The following HAVCR1 variants were observed in gnomAD, a reference collection of about 807,000 sequenced individuals.
HAVCR1 encodes the protein hepatitis A virus cellular receptor 1.
In HAVCR1, 34 loss-of-function variants were observed where a neutral mutation model predicts 32.0. The ratio of observed to expected loss-of-function variants is 1.06; its 90% CI spans 0.81 to 1.42. HAVCR1 has a LOEUF of 1.42. Ranked by LOEUF, HAVCR1 falls within the 40% of genes most tolerant of loss-of-function variation. The pLI is 0.00. For synonymous variants in HAVCR1, 178 were observed against 170.3 expected (o/e 1.05, Z -0.35); for missense variants, 420 against 442.3 (o/e 0.95, Z 0.45).
At chr5:157,064,531 G>A in the HAVCR1 span, among the ~76,000 whole-genome samples, 1 of 152,052 alleles carries the variant, frequency 6.6e-6, no homozygotes, top group Non-Finnish European at 1.5e-5. Context: ...ATTTCGGCCT[G>A]AGCCACGGGA....
At chr5:157,034,737 G>A (rs574809076) in intron 7 of HAVCR1, among the ~76,000 whole-genome samples, 12 of 152,176 alleles carry the variant, frequency 7.9e-5, no homozygotes, top group Admixed American at 2.6e-4. Context: ...GGAGAATGGC[G>A]ATGACTTTTA....
At chr5:157,057,855 C>T in intron 2 of HAVCR1, 43 bp downstream of exon 2, 1 of 1,489,292 alleles carries the variant, frequency 6.7e-7, no homozygotes. Flanking sequence ...CTTCTAACCC[C>T]CCTCTACTCC....
intron 3 of HAVCR1, 23 bp from the exon 4 acceptor site, chr5:157,052,677 G>C (rs1167080394): frequency 1.9e-6 from 3 of 1,603,632 alleles, no homozygotes; most frequent in Non-Finnish European, 2.6e-6. Flanking sequence ...ATCAACATGA[G>C]AGTGAGCATA....
intron 8 of HAVCR1, among the ~76,000 whole-genome samples, chr5:157,030,199 G>T (rs1754090612): frequency 6.6e-6 from 1 of 152,148 alleles, no homozygotes; most frequent in Non-Finnish European, 1.5e-5. Flanking sequence ...TTCAAATGTG[G>T]CTAAGCATTG....
chr5:157,033,550 GATATCTCATCA>G (rs1754302418), intron 7 of HAVCR1, among the ~76,000 whole-genome samples: 1 of 115,994 alleles, frequency 8.6e-6, no homozygotes, highest in Non-Finnish European at 1.6e-5. Flanking sequence ...CAGATATCTC[GATATCTCATCA>G]ATGGCAGGGC....
At position 157,057,600 on chromosome 5, in the gene HAVCR1, T is replaced by C. The variant is rs75112798; in HGVS notation, c.46+298A>G. 5.8e-3 allele frequency among the ~76,000 whole-genome samples: 881 copies of C among 152,240 alleles called. 15 individuals are homozygous for C. The highest frequency in any genetic ancestry group is 0.02 in the African/African-American group (848 of 41,550). The stretch of plus-strand genomic sequence containing the variant: ...TTTCCTATATACATGTGTCTATGCA[T>C]ATACATCTAACCACACCCTTTTTGT... On this transcript the variant is annotated intron_variant, in intron 2 of 8. Transcript: ENST00000523175.
intron 8 of HAVCR1, among the ~76,000 whole-genome samples, chr5:157,031,824 G>A (rs916047822): frequency 2.0e-5 from 3 of 149,178 alleles, no homozygotes; most frequent in African/African-American, 7.6e-5. Flanking sequence ...AAAGTAACTA[G>A]GCAGCAGGGT....
chr5:157,049,004 G>A lies in HAVCR1; in HGVS notation c.781+34C>T, dbSNP rs570822088. 12 of 1,211,272 alleles carry A rather than the reference G, an allele frequency of 9.9e-6. No individual in the cohort carries two copies. The East Asian group carries it at 2.1e-4, about 21-fold the overall frequency. 75.0% of individuals were successfully genotyped at this position (1,211,272 alleles called of 1,614,324 possible). Reference sequence around the variant, plus strand: ...AGTCAATGGTTATCAAGGTTTGAATGATCCCAGGTCTTCAGGAAAGAGAAC... The same window carrying A: ...AGTCAATGGTTATCAAGGTTTGAATAATCCCAGGTCTTCAGGAAAGAGAAC... On this transcript the variant is annotated intron_variant, in intron 5 of 8. Transcript: ENST00000523175.
chr5:157,037,004 A>G (rs920040001), intron 7 of HAVCR1, among the ~76,000 whole-genome samples: 1 of 152,110 alleles, frequency 6.6e-6, no homozygotes, highest in Non-Finnish European at 1.5e-5. Flanking sequence ...AGCTAGGATT[A>G]CAGGCATAAG....
the HAVCR1 span, among the ~76,000 whole-genome samples, chr5:157,065,485 G>C: frequency 6.6e-6 from 1 of 152,184 alleles, no homozygotes; most frequent in African/African-American, 2.4e-5. Context: ...TTGGGAGACC[G>C]GGGCAGGCTG....
rs748813773 is a variant in HAVCR1, at chr5:157,029,543, T to C, written c.*190A>G. The C allele has an allele frequency of 3.1e-5, 44 of 1,440,254 alleles. No individual in the cohort carries two copies. The South Asian group carries it at 4.8e-4, about 16-fold the overall frequency. 89.2% of individuals were successfully genotyped at this position (1,440,254 alleles called of 1,614,324 possible). ...TTAGCATAAAAAATTAGGACTACAT[T>C]AATGATGAGGTTGACTATACACAGT... is the stretch of plus-strand genomic sequence containing the variant. On this transcript the variant is annotated 3_prime_UTR_variant, in exon 9 of 9. Transcript: ENST00000523175.
chr5:157,059,421 A>G (rs2113657725), upstream of HAVCR1, among the ~76,000 whole-genome samples: 1 of 152,264 alleles, frequency 6.6e-6, no homozygotes, highest in African/African-American at 2.4e-5. Flanking sequence ...CGTGCCTGTA[A>G]CCCCAGCACT....
At chr5:157,041,685 C>T (rs1408468382) in intron 6 of HAVCR1, among the ~76,000 whole-genome samples, 1 of 152,176 alleles carries the variant, frequency 6.6e-6, no homozygotes, top group Non-Finnish European at 1.5e-5. Flanking sequence ...GCCTCTACTC[C>T]ACCCCATCAA....
chr5:157,049,223 A>G (rs1755600848), intron 4 of HAVCR1, 78 bp from the exon 5 acceptor site: 1 of 926,982 alleles, frequency 1.1e-6, no homozygotes, highest in Non-Finnish European at 1.8e-6. Context: ...GAACAAAACT[A>G]GAATCAGGAA....
intron 4 of HAVCR1, among the ~76,000 whole-genome samples, chr5:157,051,946 G>A (rs1369167552): frequency 6.6e-6 from 1 of 152,204 alleles, no homozygotes; most frequent in African/African-American, 2.4e-5. Flanking sequence ...TCTGCTTTCA[G>A]AATGGACTAA....
At chr5:157,043,482 C>A (rs1387875899) in intron 5 of HAVCR1, among the ~76,000 whole-genome samples, 4 of 152,092 alleles carry the variant, frequency 2.6e-5, no homozygotes, top group Non-Finnish European at 4.4e-5. Context: ...GCCTGGCCAA[C>A]ATAGTGAAAT....
upstream of HAVCR1, among the ~76,000 whole-genome samples, chr5:157,061,812 A>T (rs1277820465): frequency 1.3e-5 from 2 of 152,176 alleles, no homozygotes; most frequent in African/African-American, 4.8e-5. Context: ...AGAATTTCTT[A>T]AAAAGTGACA....
chr5:157,037,233 T>C lies in HAVCR1; in HGVS notation c.952+14A>G. On this transcript the variant is annotated intron_variant, in intron 7 of 8. Coordinates refer to ENST00000523175, the MANE Select transcript of HAVCR1 (RefSeq NM_001173393.3). ...CATCCCTTGTCCCTTAGGAACAATC[T>C]CGAAATGACTTACTTTTGGCAATGA... is the stretch of plus-strand genomic sequence containing the variant. 7.4e-7 allele frequency: 1 copy of C among 1,342,940 alleles called. No individual in the cohort carries two copies. Among genetic ancestry groups the C allele is most frequent in the Non-Finnish European group, 1.1e-6 (1 of 932,662 alleles). The allele number at this position is 1,342,940 out of a possible 1,614,324, so 83.2% of individuals were successfully genotyped here. A position where few individuals can be genotyped will look rare whatever the true frequency, so the allele number is the denominator to read the frequency against.
intron 4 of HAVCR1, 69 bp from the exon 5 acceptor site, chr5:157,049,214 A>C: frequency 1.0e-6 from 1 of 977,458 alleles, no homozygotes; most frequent in Non-Finnish European, 1.7e-6. Context: ...AAAAATAAAG[A>C]ACAAAACTAG....
Sources: allele counts gnomAD v4.1 joint callset (sites outside exome capture counted in the v4.1 genomes callset), GRCh38; gene constraint gnomAD v4.1.1; transcripts MANE v1.5; gene names NCBI Gene and HGNC (gene_info 2026-07-23, HGNC 2026-07-21).